DROSHA: variants seen among roughly 807,000 people sequenced by gnomAD.
DROSHA encodes drosha ribonuclease III, also known as ribonuclease 3.
A neutral mutation model predicts 181.9 loss-of-function variants in DROSHA; 56 were observed. That is an observed-to-expected ratio of 0.31 (90% CI 0.25 to 0.38). DROSHA has a LOEUF of 0.38. Ranked by LOEUF, DROSHA falls within the 10% of genes least tolerant of loss-of-function variation. The probability of loss-of-function intolerance (pLI) is 1.00; values close to 1 mark genes in which losing one functional copy is unlikely to be tolerated. For missense variants in DROSHA, 1,218 were observed against 1,743.5 expected (o/e 0.70, Z 5.37); for synonymous variants, 524 against 591.2 (o/e 0.89, Z 1.65).
chr5:31,447,585 G>A (rs1222152292), intron 23 of DROSHA, among the ~76,000 whole-genome samples: 1 of 152,058 alleles, frequency 6.6e-6, no homozygotes, highest in African/African-American at 2.4e-5. Flanking sequence ...TTCACAGAAT[G>A]AAAAAAATTT....
intron 24 of DROSHA, among the ~76,000 whole-genome samples, chr5:31,436,198 T>A (rs1338710875): frequency 6.6e-6 from 1 of 152,150 alleles, no homozygotes; most frequent in Non-Finnish European, 1.5e-5. Flanking sequence ...AAACAAATGC[T>A]TTTCCTTGGG....
intron 3 of DROSHA, among the ~76,000 whole-genome samples, chr5:31,529,736 AAAAAAAAAAAAC>A (rs1048526464): frequency 7.2e-5 from 7 of 96,994 alleles, no homozygotes; most frequent in East Asian, 2.0e-4. Context: ...AAAACAAACA[AAAAAAAAAAAAC>A]AAAAAAAAAA....
At chr5:31,503,941 C>T (rs9292431) in intron 11 of DROSHA, among the ~76,000 whole-genome samples, 4,047 of 152,094 alleles carry the variant, frequency 0.027, 175 homozygotes, top group African/African-American at 0.093. Context: ...TGTTTAAATA[C>T]AATGCACTGA....
Position 31,515,502 on chromosome 5 carries a change from A to C in DROSHA, c.1010T>G (p.Ile337Ser). Residue 337 changes from isoleucine (I) to serine (S), a missense_variant, in exon 7 of 36, where the codon ATT becomes AGT. By Grantham distance (142) the Ile-to-Ser change is moderately radical (BLOSUM62 -2). Coordinates refer to ENST00000344624, the MANE Select transcript of DROSHA (RefSeq NM_001382508.1). ...AGCTPELPGE[I>S]IKNTDSWAPP... Reference sequence around the variant, plus strand: ...GGCCCAAGAATCTGTATTTTTAATAATCTCCCCAGGTAATTCTGGTGTGCA... The same window carrying C: ...GGCCCAAGAATCTGTATTTTTAATACTCTCCCCAGGTAATTCTGGTGTGCA... The C allele has an allele frequency of 1.3e-6, 2 of 1,505,086 alleles. No homozygotes were observed. The highest frequency in any genetic ancestry group is 1.8e-6 in the Non-Finnish European group (2 of 1,103,992). The allele number at this position is 1,505,086 out of a possible 1,614,324, so 93.2% of individuals were successfully genotyped here.
intron 12 of DROSHA, among the ~76,000 whole-genome samples, chr5:31,494,954 G>A (rs941982201): frequency 2.6e-5 from 4 of 152,248 alleles, no homozygotes; most frequent in African/African-American, 4.8e-5. Context: ...TATTACAGGC[G>A]TGAGCCACCG....
chr5:31,505,616 C>G (rs1402935182), intron 10 of DROSHA: 3 of 152,168 alleles, frequency 2.0e-5, no homozygotes. Context: ...GAATCAAAAA[C>G]AAGACCAGAG....
intron 23 of DROSHA, among the ~76,000 whole-genome samples, chr5:31,443,329 G>A (rs1265675806): frequency 6.6e-6 from 1 of 151,594 alleles, no homozygotes; most frequent in Non-Finnish European, 1.5e-5. Context: ...AGATTTTTAT[G>A]CATTATATGT....
intron 11 of DROSHA, among the ~76,000 whole-genome samples, chr5:31,498,812 A>T (rs1217605531): frequency 6.6e-6 from 1 of 151,816 alleles, no homozygotes; most frequent in Non-Finnish European, 1.5e-5. Flanking sequence ...AGCCGAAATC[A>T]CACCATTTCA....
intron 6 of DROSHA, among the ~76,000 whole-genome samples, chr5:31,519,523 A>C (rs1316325645): frequency 6.6e-6 from 1 of 152,154 alleles, no homozygotes; most frequent in Non-Finnish European, 1.5e-5. Flanking sequence ...ACACACAAAA[A>C]CACCATGTTT....
At chr5:31,442,834 C>G (rs1745754936) in intron 23 of DROSHA, among the ~76,000 whole-genome samples, 1 of 152,102 alleles carries the variant, frequency 6.6e-6, no homozygotes, top group Admixed American at 6.5e-5. Flanking sequence ...GTAGGGAGGA[C>G]AGGCCACAGA....
intron 23 of DROSHA, among the ~76,000 whole-genome samples, chr5:31,442,653 C>A (rs1217197998): frequency 6.6e-6 from 1 of 152,094 alleles, no homozygotes; most frequent in African/African-American, 2.4e-5. Flanking sequence ...CCAAGGAAAG[C>A]CATCTTGGGA....
At chr5:31,424,289 T>TTTAAG (rs1204281273) in intron 28 of DROSHA, 138 bp downstream of exon 28, 5 of 1,092,984 alleles carry the variant, frequency 4.6e-6, no homozygotes, top group Non-Finnish European at 6.7e-6. Context: ...GTTTTCCAGG[T>TTTAAG]CTGACACCTC....
chr5:31,410,714 T>C (rs1741207767), intron 31 of DROSHA, 32 bp downstream of exon 31: 1 of 1,603,104 alleles, frequency 6.2e-7, no homozygotes, highest in Non-Finnish European at 8.5e-7. Context: ...ACTCTGAACC[T>C]GGAGGTTGAG....
intron 16 of DROSHA, among the ~76,000 whole-genome samples, chr5:31,474,715 A>C (rs1044490090): frequency 6.6e-6 from 1 of 152,178 alleles, no homozygotes; most frequent in Non-Finnish European, 1.5e-5. Context: ...TGGGGCCTTC[A>C]GAGGTAATAA....
chr5:31,499,998 G>A (rs1349274776), intron 11 of DROSHA, among the ~76,000 whole-genome samples: 2 of 152,212 alleles, frequency 1.3e-5, no homozygotes, highest in African/African-American at 4.8e-5. Flanking sequence ...GCCACAGTCA[G>A]GGCCCAGGAA....
chr5:31,472,799 T>A (rs1749883102), intron 16 of DROSHA, among the ~76,000 whole-genome samples: 1 of 152,204 alleles, frequency 6.6e-6, no homozygotes, highest in South Asian at 2.1e-4. Context: ...GGAAGATCAT[T>A]ATGGAGTTAG....
At chr5:31,466,457 T>C (rs879208764) in intron 18 of DROSHA, 176 bp from the exon 19 acceptor site, 7 of 558,208 alleles carry the variant, frequency 1.3e-5, no homozygotes, top group South Asian at 2.2e-5. Flanking sequence ...AGAGTCAGGA[T>C]GGACAAGAGT....
chr5:31,402,657 C>A (rs1301416080), intron 35 of DROSHA, among the ~76,000 whole-genome samples: 2 of 152,094 alleles, frequency 1.3e-5, no homozygotes, highest in East Asian at 3.9e-4. Flanking sequence ...ATCCTAAATT[C>A]TTTTTTCCCT....
chr5:31,512,468 C>T lies in DROSHA; in HGVS notation c.1291-1292G>A, dbSNP rs182264431. ...ATAACACCTATGGCAGCCATTCTTC[C>T]CTTCTTCCTAATAGAAGCAGGATTC... On this transcript the variant is annotated intron_variant, in intron 8 of 35. Coordinates refer to ENST00000344624, the MANE Select transcript of DROSHA (RefSeq NM_001382508.1). Among the ~76,000 whole-genome samples, 124 of 152,232 alleles carry T rather than the reference C, an allele frequency of 8.1e-4. 1 individual carries two copies. The highest frequency in any genetic ancestry group is 1.4e-3 in the Non-Finnish European group (98 of 68,014).
Sources: gnomAD v4.1 joint callset for allele counts (sites outside exome capture counted in the v4.1 genomes callset) on GRCh38, gnomAD v4.1.1 for gene constraint, MANE v1.5 for transcripts, NCBI Gene and HGNC (gene_info 2026-07-23, HGNC 2026-07-21) for gene names.